The following ANK2 variants were observed in gnomAD, a reference collection of about 807,000 sequenced individuals.
ANK2 encodes ankyrin 2.
Under a neutral mutation model 360.5 loss-of-function variants are expected in ANK2, and 83 were observed. The ratio of observed to expected loss-of-function variants is 0.23; its 90% CI spans 0.19 to 0.28. ANK2 has a LOEUF of 0.28. Among genes scored for constraint, ANK2 ranks in the 10% least tolerant of loss-of-function variants. The pLI, the probability that ANK2 is intolerant of heterozygous loss-of-function variation, is 1.00. For missense variants in ANK2, 4,201 were observed against 4,795.7 expected, an observed-to-expected ratio of 0.88 and a Z score of 3.66; for synonymous variants, 1,740 against 1,759.5, an observed-to-expected ratio of 0.99 and a Z score of 0.28.
intron 2 of ANK2, among the ~76,000 whole-genome samples, chr4:112,972,459 G>A (rs56126520): frequency 2.0e-5 from 3 of 151,912 alleles, no homozygotes; most frequent in African/African-American, 7.3e-5. Context: ...AGACATCTAC[G>A]TTTGGATGTC....
intron 1 of ANK2, among the ~76,000 whole-genome samples, chr4:112,896,126 G>T (rs1451243641): frequency 6.6e-6 from 1 of 152,222 alleles, no homozygotes; most frequent in Non-Finnish European, 1.5e-5. Flanking sequence ...ACTTGGAAGG[G>T]TCAGCAGGAT....
chr4:112,714,266 T>A, the ANK2 span, among the ~76,000 whole-genome samples: 3 of 152,204 alleles, frequency 2.0e-5, no homozygotes, highest in Admixed American at 6.5e-5. Flanking sequence ...CACTGCCATC[T>A]CCACCTCCTG....
At chr4:112,842,804 G>A (rs2062423366) in intron 1 of ANK2, among the ~76,000 whole-genome samples, 2 of 152,202 alleles carry the variant, frequency 1.3e-5, no homozygotes, top group African/African-American at 4.8e-5. Flanking sequence ...GTTTCTTGTT[G>A]CTGCTGTAAC....
chr4:113,020,545 T>C (rs2057779497), intron 2 of ANK2, among the ~76,000 whole-genome samples: 1 of 152,114 alleles, frequency 6.6e-6, no homozygotes, highest in South Asian at 2.1e-4. Flanking sequence ...TCTACCAAAA[T>C]GGCCGGCTGC....
chr4:113,292,215 G>A (rs775406149), intron 20 of ANK2, among the ~76,000 whole-genome samples: 5 of 152,138 alleles, frequency 3.3e-5, no homozygotes, highest in Non-Finnish European at 7.4e-5. Flanking sequence ...TTCATCAGCT[G>A]GTCTCTTCTC....
chr4:113,344,554 A>G (rs2094615406), intron 34 of ANK2, among the ~76,000 whole-genome samples: 1 of 152,182 alleles, frequency 6.6e-6, no homozygotes. Context: ...GTACACCCAC[A>G]AGAATTTAAA....
intron 2 of ANK2, among the ~76,000 whole-genome samples, chr4:113,175,449 C>T (rs1428684905): frequency 2.0e-5 from 3 of 152,102 alleles, no homozygotes; most frequent in Non-Finnish European, 4.4e-5. Flanking sequence ...TGTGCCATTC[C>T]AACCCAACTG....
chr4:112,973,915 T>C (rs770370034), intron 2 of ANK2, among the ~76,000 whole-genome samples: 5 of 152,176 alleles, frequency 3.3e-5, no homozygotes, highest in African/African-American at 2.4e-5. Context: ...AACCCGAAAC[T>C]ACTCATTCTA....
At chr4:113,342,026 C>A in intron 33 of ANK2, 110 bp downstream of exon 33, 1 of 1,186,812 alleles carries the variant, frequency 8.4e-7, no homozygotes, top group Non-Finnish European at 1.2e-6. Context: ...AAGTGAAAGA[C>A]AAGTTCGCAT....
At chr4:112,720,962 G>T in the ANK2 span, among the ~76,000 whole-genome samples, 1 of 152,132 alleles carries the variant, frequency 6.6e-6, no homozygotes, top group Non-Finnish European at 1.5e-5. Context: ...ACTATGGAAT[G>T]ATCTCAGTAT....
intron 22 of ANK2, among the ~76,000 whole-genome samples, chr4:113,299,258 G>A: frequency 6.6e-6 from 1 of 152,108 alleles, no homozygotes; most frequent in Non-Finnish European, 1.5e-5. Context: ...CATTTAAAAA[G>A]TATCTCCAGT....
At chr4:113,305,054 G>A (rs115977708) in intron 23 of ANK2, among the ~76,000 whole-genome samples, 18,923 of 151,922 alleles carry the variant, frequency 0.12, 1,259 homozygotes, top group African/African-American at 0.15. Flanking sequence ...ATAAAAAATA[G>A]CCTCGGCCGG....
rs1400195149 is a variant in ANK2, at chr4:112,911,454, C to T, written c.21+6940C>T. 2.0e-4 allele frequency among the ~76,000 whole-genome samples: 30 copies of T among 151,738 alleles called. No homozygotes were observed. In the East Asian group the frequency reaches 5.4e-3, roughly 27 times the overall value. ...AGGAGAATGGCGTGAACCTGGGAGGCGGAGCGTGCAGTGAGCGGAGATCGA... is the reference window on the plus strand; with the variant it reads ...AGGAGAATGGCGTGAACCTGGGAGGTGGAGCGTGCAGTGAGCGGAGATCGA... On this transcript the variant is annotated intron_variant, in intron 2 of 30. Coordinates refer to the ANK2 transcript ENST00000503271.
At chr4:113,192,160 T>C (rs1299744403) in intron 2 of ANK2, among the ~76,000 whole-genome samples, 2 of 152,228 alleles carry the variant, frequency 1.3e-5, no homozygotes, top group African/African-American at 2.4e-5. Flanking sequence ...GTTTGCCGCA[T>C]CTATCAACCT....
At chr4:112,826,856 T>G (rs529663974) in intron 1 of ANK2, 505 of 1,438,028 alleles carry the variant, frequency 3.5e-4, no homozygotes, top group Non-Finnish European at 4.7e-4. Flanking sequence ...GCTTCAGGGA[T>G]GAAGATGACA....
chr4:113,265,022 T>A, intron 14 of ANK2, 27 bp downstream of exon 14: 1 of 1,547,122 alleles, frequency 6.5e-7, no homozygotes, highest in Non-Finnish European at 8.8e-7. Flanking sequence ...TGAGGTTCTC[T>A]TCTATCGCAG....
the ANK2 span, among the ~76,000 whole-genome samples, chr4:112,739,277 T>C: frequency 1.3e-5 from 2 of 152,186 alleles, no homozygotes; most frequent in African/African-American, 4.8e-5. Context: ...TTGATGCACT[T>C]AGAAGCACGC....
chr4:112,769,425 G>A, the ANK2 span, among the ~76,000 whole-genome samples: 15 of 152,114 alleles, frequency 9.9e-5, no homozygotes, highest in Non-Finnish European at 2.1e-4. Flanking sequence ...TTTAATTGAG[G>A]CCATTAATGC....
chr4:112,823,525 A>G (rs896000705), intron 1 of ANK2, among the ~76,000 whole-genome samples: 2 of 152,020 alleles, frequency 1.3e-5, no homozygotes, highest in African/African-American at 2.4e-5. Context: ...AGAAACTCCA[A>G]ATAAAGATAT....
Sources: allele counts gnomAD v4.1 joint callset (sites outside exome capture counted in the v4.1 genomes callset), GRCh38; gene constraint gnomAD v4.1.1; transcripts MANE v1.5; gene names NCBI Gene and HGNC (gene_info 2026-07-23, HGNC 2026-07-21).